Variants in TDRD7 observed in about 807,000 individuals in gnomAD.
TDRD7 encodes the protein tudor domain-containing protein 7.
TDRD7 carries 47 observed loss-of-function variants against 109.8 expected under a neutral mutation model. That is an observed-to-expected ratio of 0.43 (90% CI 0.34 to 0.55). The LOEUF (loss-of-function observed/expected upper bound fraction) is 0.55, where lower values mean the gene tolerates loss of function less well. Among genes scored for constraint, TDRD7 ranks in the 20% least tolerant of loss-of-function variants. The pLI is 0.03. For synonymous variants in TDRD7, 424 were observed against 457.3 expected (o/e 0.93, Z 0.93); for missense variants, 1,164 against 1,319.2 (o/e 0.88, Z 1.82).
In TDRD7 at chr9:97,444,222, C is replaced by T. The variant is rs16920403; in HGVS notation, c.855+2347C>T. The stretch of plus-strand genomic sequence containing the variant: ...CCGTCCAAGCAATGAGAGTCAGAAG[C>T]AGAAACACAATATAACTTTCCTATC... On this transcript the variant is annotated intron_variant, in intron 6 of 16. Transcript: ENST00000355295. Among the ~76,000 whole-genome samples the T allele has an allele frequency of 8.1e-3, 1,228 of 152,228 alleles. 44 individuals carry two copies. In the East Asian group the frequency reaches 0.11, roughly 13 times the overall value.
chr9:97,424,086 C>T (rs111564892), intron 1 of TDRD7, among the ~76,000 whole-genome samples: 8,940 of 118,902 alleles, frequency 0.075, 515 homozygotes, highest in African/African-American at 0.18. Flanking sequence ...GATGGAGTCA[C>T]TCTGTTGTTT....
In TDRD7 at chr9:97,431,021, G is replaced by A. The variant is rs570001949; in HGVS notation, c.296G>A (p.Arg99His). Residue 99 changes from arginine to histidine, a missense_variant, in exon 3 of 17, where the codon CGT (arginine) becomes CAT (histidine). Arg to His is a conservative substitution (Grantham distance 29, BLOSUM62 0). Around this residue, in one of 5 missense-constraint regions of TDRD7, gnomAD observed 101 missense variants for 148.5 expected, o/e 0.68. Coordinates refer to ENST00000355295, the MANE Select transcript of TDRD7 (RefSeq NM_014290.3). ...AGGAGTTCTAAAAGGAAAACCGGGC[G>A]TCAAGTTAATTGTCAGATGAGAGTG... is the stretch of plus-strand genomic sequence containing the variant. The part of the protein sequence containing the change: ...RQRSSKRKTG[R>H]QVNCQMRVKK... The A allele has an allele frequency of 3.2e-5, 51 of 1,613,914 alleles. No homozygotes were observed. In the East Asian group the frequency reaches 4.0e-4, roughly 13 times the overall value.
intron 16 of TDRD7, 148 bp from the exon 17 acceptor site, chr9:97,495,515 G>A: frequency 1.3e-6 from 1 of 760,964 alleles, no homozygotes; most frequent in Admixed American, 2.0e-5. Context: ...TTTTAAGATT[G>A]TTCAGTAACC....
chr9:97,482,631 A>T (rs1198728964), intron 14 of TDRD7, among the ~76,000 whole-genome samples: 1 of 152,128 alleles, frequency 6.6e-6, no homozygotes, highest in Non-Finnish European at 1.5e-5. Flanking sequence ...AGATTAGTAA[A>T]TTTTTTATTT....
chr9:97,485,310 T>A (rs1449353742), intron 15 of TDRD7, among the ~76,000 whole-genome samples: 2 of 152,252 alleles, frequency 1.3e-5, no homozygotes, highest in Admixed American at 1.3e-4. Flanking sequence ...CAGAATCTGT[T>A]GTTAACAAAT....
intron 1 of TDRD7, among the ~76,000 whole-genome samples, 163 bp from the exon 2 acceptor site, chr9:97,428,297 T>C (rs1195955351): frequency 6.6e-6 from 1 of 152,184 alleles, no homozygotes; most frequent in Admixed American, 6.5e-5. Context: ...ATTCTTATGG[T>C]ATTTGTGCTT....
rs761917089 is a variant in TDRD7, at chr9:97,460,672, G to A, written c.1350G>A (p.Glu450=). The change falls in exon 7 of 17, where the codon GAG becomes GAA. Residue 450 remains glutamate (E), a synonymous_variant. Transcript: ENST00000355295. ...CTGAAAGTGCTAATACCTTTATGGA[G>A]GACATAACAGTTCCTCCTTTAATGA... ...SIAESANTFM[E]DITVPPLMIP... is the part of the protein sequence containing the mutation. 2 of 1,614,112 alleles carry A rather than the reference G, an allele frequency of 1.2e-6. No individual in the cohort carries two copies. The highest frequency in any genetic ancestry group is 2.2e-5 in the South Asian group (2 of 91,088).
chr9:97,441,160 A>G (rs1320490600), intron 5 of TDRD7, among the ~76,000 whole-genome samples: 1 of 152,130 alleles, frequency 6.6e-6, no homozygotes, highest in Non-Finnish European at 1.5e-5. Flanking sequence ...AAAGGTGAAA[A>G]TTGATCATAA....
chr9:97,490,740 T>G (rs1224168389), intron 16 of TDRD7, among the ~76,000 whole-genome samples: 3 of 151,808 alleles, frequency 2.0e-5, no homozygotes, highest in Non-Finnish European at 2.9e-5. Context: ...TTCTGTTTTT[T>G]TTTTCAGTAC....
chr9:97,437,606 T>C (rs1828226990), intron 4 of TDRD7, among the ~76,000 whole-genome samples: 1 of 152,228 alleles, frequency 6.6e-6, no homozygotes, highest in Non-Finnish European at 1.5e-5. Context: ...TCTTTGGGGT[T>C]ATCTCAGCAG....
At position 97,481,039 on chromosome 9, in the gene TDRD7, A is replaced by T. The variant is rs997562349; in HGVS notation, c.2412+101A>T. ...GGAATTTTATCTCACTGTAAAATGG[A>T]TGCTTCCACATCCAACACATTTTTT... On this transcript the variant is annotated intron_variant, in intron 14 of 16. Transcript: ENST00000355295. 4 of 934,974 alleles carry T rather than the reference A, an allele frequency of 4.3e-6. No homozygotes were observed. In the African/African-American group the frequency reaches 6.5e-5, roughly 15 times the overall value. The allele number at this position is 934,974 out of a possible 1,614,324, so 57.9% of individuals were successfully genotyped here.
intron 14 of TDRD7, 78 bp from the exon 15 acceptor site, chr9:97,482,771 G>T: frequency 1.3e-6 from 2 of 1,487,750 alleles, no homozygotes; most frequent in Middle Eastern, 1.7e-4. Context: ...GTGTTTTAAT[G>T]ATTAAGGTTA....
chr9:97,420,903 CG>C (rs1034547477), intron 1 of TDRD7, among the ~76,000 whole-genome samples: 6 of 152,066 alleles, frequency 3.9e-5, no homozygotes, highest in African/African-American at 1.2e-4. Context: ...AAGGCCAGGG[CG>C]GGTGGATCAC....
At chr9:97,417,566 G>A (rs1827831051) in intron 1 of TDRD7, among the ~76,000 whole-genome samples, 1 of 152,140 alleles carries the variant, frequency 6.6e-6, no homozygotes, top group Admixed American at 6.5e-5. Context: ...CACATTGCTT[G>A]GGGGAGGATT....
intron 4 of TDRD7, among the ~76,000 whole-genome samples, chr9:97,436,443 T>G (rs1189092464): frequency 2.6e-5 from 4 of 152,190 alleles, no homozygotes; most frequent in African/African-American, 9.6e-5. Flanking sequence ...TTCTATTGGC[T>G]CTTTTCCTTC....
intron 3 of TDRD7, 71 bp from the exon 4 acceptor site, chr9:97,431,953 CA>C: frequency 7.4e-7 from 1 of 1,347,538 alleles, no homozygotes; most frequent in South Asian, 1.2e-5. Flanking sequence ...AACATCTGGT[CA>C]GGGGAGTGTC....
At chr9:97,462,235 C>A (rs1240877884) in intron 7 of TDRD7, among the ~76,000 whole-genome samples, 2 of 152,166 alleles carry the variant, frequency 1.3e-5, no homozygotes, top group East Asian at 1.9e-4. Context: ...TAGTCAGAGA[C>A]CAAGCACCGG....
intron 6 of TDRD7, among the ~76,000 whole-genome samples, chr9:97,453,642 G>A (rs1398412627): frequency 6.6e-6 from 1 of 152,042 alleles, no homozygotes; most frequent in Non-Finnish European, 1.5e-5. Context: ...CTATGTTCAG[G>A]AGACCCATCT....
chr9:97,461,474 T>C (rs1172495748), intron 7 of TDRD7, among the ~76,000 whole-genome samples: 2 of 118,908 alleles, frequency 1.7e-5, no homozygotes, highest in Non-Finnish European at 3.8e-5. Context: ...GATTAGACCT[T>C]GGACCCAAAG....
Sources: allele counts gnomAD v4.1 joint callset (sites outside exome capture counted in the v4.1 genomes callset), GRCh38; gene constraint gnomAD v4.1.1; regional missense constraint gnomAD v4.1.1; transcripts MANE v1.5; gene names NCBI Gene and HGNC (gene_info 2026-07-23, HGNC 2026-07-21).